The following GRIA1 variants were observed in gnomAD, a reference collection of about 807,000 sequenced individuals.
GRIA1 encodes glutamate receptor 1.
A neutral mutation model predicts 99.2 loss-of-function variants in GRIA1; 31 were observed. That is an observed-to-expected ratio of 0.31 (90% CI 0.23 to 0.42). The LOEUF (loss-of-function observed/expected upper bound fraction) is 0.42. GRIA1 is among the 10% of genes least tolerant of loss of function. The probability of loss-of-function intolerance (pLI) is 1.00; values close to 1 mark genes in which losing one functional copy is unlikely to be tolerated. For missense variants in GRIA1, 782 were observed against 1,157.5 expected, an observed-to-expected ratio of 0.68 and a Z score of 4.71; for synonymous variants, 438 against 432.4, an observed-to-expected ratio of 1.01 and a Z score of -0.16.
intron 2 of GRIA1, among the ~76,000 whole-genome samples, chr5:153,517,923 A>G (rs997784989): frequency 6.6e-6 from 1 of 152,144 alleles, no homozygotes; most frequent in African/African-American, 2.4e-5. Context: ...CCCTCCATGA[A>G]CCTGTCCCTC....
intron 2 of GRIA1, among the ~76,000 whole-genome samples, chr5:153,520,425 G>C (rs1315781461): frequency 1.3e-5 from 2 of 152,126 alleles, no homozygotes; most frequent in African/African-American, 4.8e-5. Context: ...AAGATTCTCT[G>C]CAGTTCTTTG....
intron 11 of GRIA1, among the ~76,000 whole-genome samples, chr5:153,737,595 C>T (rs1561815460): frequency 6.6e-6 from 1 of 152,284 alleles, no homozygotes; most frequent in South Asian, 2.1e-4. Context: ...GTTTTCCTCA[C>T]CTGTAAAATA....
chr5:153,656,904 A>C (rs192615571), intron 5 of GRIA1, among the ~76,000 whole-genome samples: 5 of 152,232 alleles, frequency 3.3e-5, no homozygotes, highest in Admixed American at 3.3e-4. Context: ...TTTACTTTCT[A>C]TCCGTATGTA....
intron 2 of GRIA1, among the ~76,000 whole-genome samples, chr5:153,527,396 A>G (rs1757699758): frequency 6.6e-6 from 1 of 152,180 alleles, no homozygotes; most frequent in South Asian, 2.1e-4. Flanking sequence ...GAAATTAATT[A>G]TGGTTTAAGG....
intron 11 of GRIA1, among the ~76,000 whole-genome samples, chr5:153,727,627 C>G (rs1760661206): frequency 6.6e-6 from 1 of 152,134 alleles, no homozygotes; most frequent in Admixed American, 6.5e-5. Context: ...GAGTGAACTC[C>G]CATTCACAAT....
intron 2 of GRIA1, among the ~76,000 whole-genome samples, chr5:153,632,544 G>T (rs1753053967): frequency 6.6e-6 from 1 of 152,164 alleles, no homozygotes; most frequent in South Asian, 2.1e-4. Context: ...ATCCTGTGCA[G>T]CCCACCTCAT....
At chr5:153,697,747 G>A (rs1758216790) in intron 8 of GRIA1, among the ~76,000 whole-genome samples, 1 of 152,186 alleles carries the variant, frequency 6.6e-6, no homozygotes, top group South Asian at 2.1e-4. Context: ...CATGGTCCTG[G>A]CTTGCATTGT....
chr5:153,558,371 T>G (rs1760835505), intron 2 of GRIA1, among the ~76,000 whole-genome samples: 1 of 152,210 alleles, frequency 6.6e-6, no homozygotes, highest in South Asian at 2.1e-4. Context: ...AAAAGGTTTT[T>G]TAAGCACATT....
intron 14 of GRIA1, among the ~76,000 whole-genome samples, chr5:153,798,370 A>G (rs1765779903): frequency 6.6e-6 from 1 of 152,206 alleles, no homozygotes; most frequent in Non-Finnish European, 1.5e-5. Context: ...AGAAAAGCTA[A>G]TGGGTGGACC....
chr5:153,628,925 G>T (rs1240487476), intron 2 of GRIA1, among the ~76,000 whole-genome samples: 1 of 152,164 alleles, frequency 6.6e-6, no homozygotes, highest in Non-Finnish European at 1.5e-5. Flanking sequence ...GACCAGCTTT[G>T]TTCCTCTCCT....
At chr5:153,679,331 T>C (rs1756811864) in intron 7 of GRIA1, among the ~76,000 whole-genome samples, 1 of 152,224 alleles carries the variant, frequency 6.6e-6, no homozygotes, top group African/African-American at 2.4e-5. Context: ...GACCTTAAGA[T>C]CAGAGGTTCA....
chr5:153,673,055 A>G (rs1756313983), intron 5 of GRIA1, among the ~76,000 whole-genome samples: 1 of 152,172 alleles, frequency 6.6e-6, no homozygotes, highest in East Asian at 1.9e-4. Flanking sequence ...GCTCTATGTG[A>G]CCAGCTTTGG....
intron 2 of GRIA1, among the ~76,000 whole-genome samples, chr5:153,516,309 T>C (rs961434651): frequency 1.3e-5 from 2 of 151,702 alleles, no homozygotes; most frequent in Admixed American, 6.6e-5. Context: ...GATAAATAAC[T>C]GTTTATAAAC....
At position 153,811,126 on chromosome 5, in the gene GRIA1, G is replaced by A; in HGVS notation, c.2622G>A (p.Glu874=). ...GAGCCAGCAGCGGCGGCAGTGGAGA[G>A]AATGGTCGGGTGGTCAGCCATGACT... ...GAGASSGGSG[E]NGRVVSHDFP... Residue 874 remains glutamate (E), a synonymous_variant, in exon 16 of 16, where the codon GAG becomes GAA. Coordinates refer to ENST00000285900, the MANE Select transcript of GRIA1 (RefSeq NM_000827.4). The A allele has an allele frequency of 6.2e-7, 1 of 1,614,168 alleles. No individual in the cohort carries two copies. Among genetic ancestry groups the A allele is most frequent in the Non-Finnish European group, 8.5e-7 (1 of 1,180,006 alleles).
chr5:153,744,307 T>C (rs1762008447), intron 11 of GRIA1, among the ~76,000 whole-genome samples: 1 of 152,240 alleles, frequency 6.6e-6, no homozygotes, highest in Non-Finnish European at 1.5e-5. Context: ...GAAAAAAGTT[T>C]GTTATTTTAA....
intron 12 of GRIA1, among the ~76,000 whole-genome samples, chr5:153,764,837 G>A (rs900901613): frequency 6.6e-6 from 1 of 152,152 alleles, no homozygotes; most frequent in African/African-American, 2.4e-5. Flanking sequence ...AAGCTTCAAA[G>A]CTCCTGCATT....
intron 11 of GRIA1, among the ~76,000 whole-genome samples, chr5:153,727,603 G>A (rs1760658780): frequency 1.3e-5 from 2 of 152,098 alleles, no homozygotes; most frequent in Admixed American, 1.3e-4. Context: ...CAGGCAAACA[G>A]AGAGCCAAAT....
intron 2 of GRIA1, among the ~76,000 whole-genome samples, chr5:153,607,063 AT>A (rs1284380853): frequency 6.8e-6 from 1 of 147,738 alleles, no homozygotes; most frequent in African/African-American, 2.5e-5. Flanking sequence ...ATATATATAT[AT>A]ATATAATCAC....
chr5:153,507,129 T>A (rs1755587176), intron 2 of GRIA1, among the ~76,000 whole-genome samples: 1 of 151,822 alleles, frequency 6.6e-6, no homozygotes, highest in African/African-American at 2.4e-5. Context: ...TCTCAAAAAA[T>A]AATAATAATA....
Sources: gnomAD v4.1 joint callset for allele counts (sites outside exome capture counted in the v4.1 genomes callset) on GRCh38, gnomAD v4.1.1 for gene constraint, MANE v1.5 for transcripts, NCBI Gene and HGNC (gene_info 2026-07-23, HGNC 2026-07-21) for gene names.